Variants in CAMTA1 observed in about 807,000 individuals in gnomAD.
The protein encoded by CAMTA1 is calmodulin binding transcription activator 1, also known as calmodulin-binding transcription activator 1.
CAMTA1 carries 27 observed loss-of-function variants against 170.9 expected under a neutral mutation model. The ratio of observed to expected loss-of-function variants is 0.16; its 90% CI spans 0.12 to 0.22. The LOEUF is 0.22. Ranked by LOEUF, CAMTA1 falls within the 10% of genes least tolerant of loss-of-function variation. CAMTA1 has a pLI of 1.00. For synonymous variants in CAMTA1, 833 were observed against 891.5 expected (o/e 0.93, Z 1.17); for missense variants, 1,619 against 2,217.2 (o/e 0.73, Z 5.42).
At chr1:7,740,455 T>C (rs1464715512) in intron 16 of CAMTA1, among the ~76,000 whole-genome samples, 3 of 152,088 alleles carry the variant, frequency 2.0e-5, no homozygotes, top group South Asian at 2.1e-4. Flanking sequence ...AACTGAGCAA[T>C]CTAGAACTAT....
At chr1:7,034,559 C>T (rs745760916) in intron 3 of CAMTA1, among the ~76,000 whole-genome samples, 5 of 152,232 alleles carry the variant, frequency 3.3e-5, no homozygotes, top group Non-Finnish European at 5.9e-5. Context: ...AGCCTCTGCA[C>T]AGCTCTGGAG....
At chr1:7,404,931 T>G (rs59183510) in intron 5 of CAMTA1, among the ~76,000 whole-genome samples, 109 of 152,106 alleles carry the variant, frequency 7.2e-4, no homozygotes, top group East Asian at 6.7e-3. Flanking sequence ...TTTTGGGGTT[T>G]GTTTGTTTGT....
Position 7,732,351 on chromosome 1 carries a change from C to G in CAMTA1, c.2915-97C>G, listed in dbSNP as rs2301488. The G allele has an allele frequency of 3.0e-6, 3 of 1,009,660 alleles. No individual in the cohort carries two copies. Among genetic ancestry groups the G allele is most frequent in the African/African-American group, 1.6e-5 (1 of 63,098 alleles). 62.5% of individuals were successfully genotyped at this position (1,009,660 alleles called of 1,614,324 possible). A position where few individuals can be genotyped will look rare whatever the true frequency, so the allele number is the denominator to read the frequency against. Reference sequence around the variant, plus strand: ...CTCTCTGGTTTGGTGAAGTTACGGACGGCATTTGGATGCTGGTCCCGCAAG... The same window carrying G: ...CTCTCTGGTTTGGTGAAGTTACGGAGGGCATTTGGATGCTGGTCCCGCAAG... On this transcript the variant is annotated intron_variant, in intron 11 of 22. Transcript: ENST00000303635. The surrounding 1 kb of genome is among the most constrained non-coding windows in gnomAD (Gnocchi z 4.1).
rs1179783964 is a variant in CAMTA1, at chr1:7,736,037, A to C, written c.3067-307A>C. Among the ~76,000 whole-genome samples, 1 of 152,004 alleles carries C rather than the reference A, an allele frequency of 6.6e-6. No homozygotes were observed. The highest frequency in any genetic ancestry group is 6.5e-5 in the Admixed American group (1 of 15,272). On this transcript the variant is annotated intron_variant, in intron 12 of 22. Transcript: ENST00000303635. This position sits in a 1 kb window ranked among gnomAD's most constrained non-coding sequence, Gnocchi z 4.5. ...AGATCTGCCCGCCTCAGCCTCCCAA[A>C]GTGCTGGGATTTCAGGCATGAGCCA...
chr1:7,237,238 T>G (rs1375741989), intron 4 of CAMTA1, among the ~76,000 whole-genome samples: 1 of 152,208 alleles, frequency 6.6e-6, no homozygotes, highest in Non-Finnish European at 1.5e-5. Flanking sequence ...GTGCTGCAAG[T>G]AACAGATCTT....
intron 6 of CAMTA1, among the ~76,000 whole-genome samples, chr1:7,632,431 G>A (rs372655470): frequency 1.6e-4 from 25 of 152,336 alleles, no homozygotes; most frequent in African/African-American, 6.0e-4. Flanking sequence ...GAACTGGCAC[G>A]AGATTAATGA....
chr1:7,217,568 G>A (rs1452418084), intron 4 of CAMTA1, among the ~76,000 whole-genome samples: 1 of 151,824 alleles, frequency 6.6e-6, no homozygotes, highest in East Asian at 1.9e-4. Flanking sequence ...TGTGTATTAT[G>A]TTCTACTTGC....
chr1:7,709,670 G>A lies in CAMTA1; in HGVS notation c.2915-22778G>A, dbSNP rs543424820. ...AGAAGCCCACTGTCTAGGGATGTGT[G>A]TAGGTAACAGCTGTTCTCTTTCATA... is the stretch of plus-strand genomic sequence containing the variant. On this transcript the variant is annotated intron_variant, in intron 11 of 22. Transcript: ENST00000303635. 2.3e-4 allele frequency among the ~76,000 whole-genome samples: 35 copies of A among 152,330 alleles called. 1 individual carries two copies. Among genetic ancestry groups the A allele is most frequent in the African/African-American group, 7.9e-4 (33 of 41,580 alleles).
intron 4 of CAMTA1, among the ~76,000 whole-genome samples, chr1:7,184,272 A>G (rs1024612929): frequency 7.9e-5 from 12 of 152,218 alleles, no homozygotes; most frequent in Non-Finnish European, 1.3e-4. Context: ...CTATAAAAAA[A>G]TAGTTGGAAA....
chr1:7,281,617 A>G (rs954345631), intron 5 of CAMTA1, among the ~76,000 whole-genome samples: 3 of 152,242 alleles, frequency 2.0e-5, no homozygotes, highest in Non-Finnish European at 4.4e-5. Context: ...TGTGAGTATC[A>G]ATATAATTGC....
At position 7,634,017 on chromosome 1, in the gene CAMTA1, C is replaced by T. The variant is rs912359517; in HGVS notation, c.511-6383C>T. Among the ~76,000 whole-genome samples, 1 of 152,124 alleles carries T rather than the reference C, an allele frequency of 6.6e-6. No homozygotes were observed. Among genetic ancestry groups the T allele is most frequent in the Admixed American group, 6.5e-5 (1 of 15,278 alleles). ...GGAGCCAGGTGCATGAGGCAGGCAG[C>T]GGCCAGCAAGAAGCACAGGTGGCCC... is the stretch of plus-strand genomic sequence containing the variant. On this transcript the variant is annotated intron_variant, in intron 6 of 22. Coordinates refer to ENST00000303635, the MANE Select transcript of CAMTA1 (RefSeq NM_015215.4). The surrounding 1 kb of genome is among the most constrained non-coding windows in gnomAD (Gnocchi z 6.2).
rs182415205 is a variant in CAMTA1, at chr1:7,654,777, A to C, written c.665-6949A>C. 2.3e-3 allele frequency among the ~76,000 whole-genome samples: 328 copies of C among 143,680 alleles called. 5 individuals are homozygous for C. The highest frequency in any genetic ancestry group is 7.8e-3 in the African/African-American group (297 of 38,284). The allele number at this position is 143,680 out of a possible 152,430, so 94.3% of individuals were successfully genotyped here. A position where few individuals can be genotyped will look rare whatever the true frequency, so the allele number is the denominator to read the frequency against. On this transcript the variant is annotated intron_variant, in intron 7 of 22. Transcript: ENST00000303635. ...TATACAAACACACCCACCTAAACAC[A>C]CACCTATACCCACACACCTATACAC...
intron 6 of CAMTA1, among the ~76,000 whole-genome samples, chr1:7,507,700 A>G (rs1275698861): frequency 6.6e-6 from 1 of 152,216 alleles, no homozygotes; most frequent in African/African-American, 2.4e-5. Flanking sequence ...CCCAGGCCCC[A>G]GGGGCCTCTC....
At chr1:7,469,499 G>C (rs1432244560) in intron 6 of CAMTA1, among the ~76,000 whole-genome samples, 1 of 152,214 alleles carries the variant, frequency 6.6e-6, no homozygotes, top group Non-Finnish European at 1.5e-5. Flanking sequence ...CTGCAGCCCT[G>C]TACACTCCTT....
rs913710985 is a variant in CAMTA1, at chr1:7,417,538, A to G, written c.439-50292A>G. Among the ~76,000 whole-genome samples, 12 of 152,330 alleles carry G rather than the reference A, an allele frequency of 7.9e-5. No homozygotes were observed. In the South Asian group the frequency reaches 1.5e-3, roughly 18 times the overall value. ...TTTGATCTCAGACTGCTGTGCTAGC[A>G]ATCAGCGAGACTCCATGGGCGTAGG... On this transcript the variant is annotated intron_variant, in intron 5 of 22. Transcript: ENST00000303635.
intron 10 of CAMTA1, among the ~76,000 whole-genome samples, chr1:7,676,914 G>A (rs1277769003): frequency 6.6e-6 from 1 of 152,204 alleles, no homozygotes; most frequent in Non-Finnish European, 1.5e-5. Context: ...CACAAATAGA[G>A]TTATTTGTTG....
chr1:7,209,540 T>C (rs898487052), intron 4 of CAMTA1, among the ~76,000 whole-genome samples: 5 of 152,166 alleles, frequency 3.3e-5, no homozygotes, highest in Admixed American at 2.6e-4. Context: ...GGCACTCTCT[T>C]TGAGAGAACC....
At chr1:6,867,685 T>C (rs1667053802) in intron 3 of CAMTA1, among the ~76,000 whole-genome samples, 3 of 152,360 alleles carry the variant, frequency 2.0e-5, no homozygotes, top group Middle Eastern at 3.4e-3. Context: ...CTAACTGTAG[T>C]GTATACATAG....
At chr1:7,536,601 G>A (rs943332962) in intron 6 of CAMTA1, among the ~76,000 whole-genome samples, 4 of 152,172 alleles carry the variant, frequency 2.6e-5, no homozygotes, top group Non-Finnish European at 4.4e-5. Flanking sequence ...AACTAGGACC[G>A]GGCAGGGCTG....
Sources: gnomAD v4.1 joint callset for allele counts (sites outside exome capture counted in the v4.1 genomes callset) on GRCh38, gnomAD v4.1.1 for gene constraint, Gnocchi (gnomAD v3.1) non-coding constraint, MANE v1.5 for transcripts, NCBI Gene and HGNC (gene_info 2026-07-23, HGNC 2026-07-21) for gene names.